CELF4: variants seen among roughly 807,000 people sequenced by gnomAD.
CELF4 encodes the protein CUG-BP- and ETR-3-like factor 4.
CELF4 carries 18 observed loss-of-function variants against 59.9 expected under a neutral mutation model. The ratio of observed to expected loss-of-function variants is 0.30; its 90% CI spans 0.21 to 0.45. The LOEUF is 0.45. CELF4 is among the 20% of genes least tolerant of loss of function. The pLI, the probability that CELF4 is intolerant of heterozygous loss-of-function variation, is 1.00. For missense variants in CELF4, 456 were observed against 689.0 expected (o/e 0.66, Z 3.79); for synonymous variants, 261 against 267.1 (o/e 0.98, Z 0.22).
At chr18:37,307,558 T>C (rs1344239902) in intron 3 of CELF4, among the ~76,000 whole-genome samples, 1 of 152,002 alleles carries the variant, frequency 6.6e-6, no homozygotes, top group African/African-American at 2.4e-5. Flanking sequence ...AGAATGCCAA[T>C]GTCAGTGGCA....
intron 2 of CELF4, among the ~76,000 whole-genome samples, chr18:37,438,102 A>G (rs2154601037): frequency 6.6e-6 from 1 of 152,266 alleles, no homozygotes; most frequent in African/African-American, 2.4e-5. Flanking sequence ...TTGATTTTGG[A>G]CTTCCCAGCC....
At chr18:37,301,283 G>A (rs898263143) in intron 3 of CELF4, among the ~76,000 whole-genome samples, 16 of 152,336 alleles carry the variant, frequency 1.1e-4, no homozygotes, top group African/African-American at 3.4e-4. Context: ...TAGACTGAGA[G>A]GCCACTGCAG....
At chr18:37,530,448 T>C (rs2099968370) in intron 1 of CELF4, among the ~76,000 whole-genome samples, 1 of 152,120 alleles carries the variant, frequency 6.6e-6, no homozygotes, top group South Asian at 2.1e-4. Flanking sequence ...TCTGTGGCCC[T>C]AGGGGAGAAG....
intron 2 of CELF4, among the ~76,000 whole-genome samples, chr18:37,388,098 G>A (rs929166004): frequency 2.6e-5 from 4 of 152,086 alleles, no homozygotes; most frequent in Non-Finnish European, 4.4e-5. Context: ...TGTGATTTGG[G>A]TAAATCCTTT....
chr18:37,421,596 T>A (rs1422633935), intron 2 of CELF4, among the ~76,000 whole-genome samples: 1 of 152,262 alleles, frequency 6.6e-6, no homozygotes, highest in Non-Finnish European at 1.5e-5. Flanking sequence ...ACCTGCTGCC[T>A]GCTGCCATGG....
Position 37,565,505 on chromosome 18 carries a change from A to G in CELF4, c.137T>C (p.Ile46Thr). Residue 46 changes from isoleucine (I) to threonine (T), a missense_variant, in exon 1 of 13, where the codon ATT (isoleucine) becomes ACT (threonine). Ile to Thr is a moderately conservative substitution (Grantham distance 89). Transcript: ENST00000420428. ...GATGGCATCGTGGTCCTTCATGGGA[A>G]TGGTCGACGGGTTCCCCGGGCTGTG... Reference protein sequence around the residue: ...LSHSPGNPSTIPMKDHDAIKL... With the variant: ...LSHSPGNPSTTPMKDHDAIKL... 1 of 1,613,996 alleles carries G rather than the reference A, an allele frequency of 6.2e-7. No individual in the cohort carries two copies. The highest frequency in any genetic ancestry group is 8.5e-7 in the Non-Finnish European group (1 of 1,180,004).
chr18:37,542,932 T>G (rs2099978836), intron 1 of CELF4, among the ~76,000 whole-genome samples: 1 of 152,094 alleles, frequency 6.6e-6, no homozygotes, highest in Admixed American at 6.5e-5. Context: ...CCAGTGCTCT[T>G]TCTACGACAT....
intron 2 of CELF4, among the ~76,000 whole-genome samples, chr18:37,405,899 G>C (rs149069044): frequency 1.3e-5 from 2 of 152,090 alleles, no homozygotes; most frequent in South Asian, 4.2e-4. Flanking sequence ...CCCTCCAGCC[G>C]GGAGTGGAAA....
intron 2 of CELF4, among the ~76,000 whole-genome samples, chr18:37,365,829 G>A (rs2098773696): frequency 6.6e-6 from 1 of 152,104 alleles, no homozygotes; most frequent in South Asian, 2.1e-4. Context: ...CCGGACACCA[G>A]ATCAACTCTT....
intron 2 of CELF4, among the ~76,000 whole-genome samples, chr18:37,423,663 G>A (rs2099594231): frequency 6.6e-6 from 1 of 152,056 alleles, no homozygotes; most frequent in Admixed American, 6.5e-5. Context: ...AAATCCTGGT[G>A]ACAGCCATGG....
intron 2 of CELF4, among the ~76,000 whole-genome samples, chr18:37,461,051 C>T (rs917671012): frequency 6.6e-6 from 1 of 152,214 alleles, no homozygotes; most frequent in Non-Finnish European, 1.5e-5. Context: ...CCATTTCACT[C>T]AACAGCTCTT....
intron 2 of CELF4, among the ~76,000 whole-genome samples, chr18:37,438,033 A>C (rs1394641761): frequency 6.6e-6 from 1 of 152,204 alleles, no homozygotes; most frequent in Non-Finnish European, 1.5e-5. Flanking sequence ...CATAGCAAGA[A>C]GGCGGCTGTC....
At chr18:37,418,947 T>G (rs1458136413) in intron 2 of CELF4, among the ~76,000 whole-genome samples, 1 of 152,248 alleles carries the variant, frequency 6.6e-6, no homozygotes, top group Non-Finnish European at 1.5e-5. Context: ...TGACATTTCA[T>G]GCTGTGCCTG....
At chr18:37,303,884 C>G (rs149969957) in intron 3 of CELF4, among the ~76,000 whole-genome samples, 3,664 of 152,316 alleles carry the variant, frequency 0.024, 62 homozygotes, top group Non-Finnish European at 0.04. Context: ...CCCTCCTGGC[C>G]GTAGGCATCC....
At chr18:37,381,981 C>G (rs1439903579) in intron 2 of CELF4, among the ~76,000 whole-genome samples, 1 of 152,102 alleles carries the variant, frequency 6.6e-6, no homozygotes, top group Non-Finnish European at 1.5e-5. Context: ...GGAGGAGGAG[C>G]CTTGGACTGG....
intron 2 of CELF4, among the ~76,000 whole-genome samples, chr18:37,353,768 T>C (rs1279191052): frequency 4.1e-5 from 1 of 24,154 alleles, no homozygotes; most frequent in East Asian, 1.1e-3. Flanking sequence ...CAGTTCTTTC[T>C]TTTTTTTTTT....
intron 2 of CELF4, among the ~76,000 whole-genome samples, chr18:37,385,946 G>A (rs771871430): frequency 6.6e-6 from 1 of 152,234 alleles, no homozygotes; most frequent in Non-Finnish European, 1.5e-5. Context: ...GTGCTCAAGT[G>A]TGACATTTAT....
intron 1 of CELF4, among the ~76,000 whole-genome samples, chr18:37,512,139 G>T (rs913306520): frequency 6.6e-6 from 1 of 152,204 alleles, no homozygotes; most frequent in Non-Finnish European, 1.5e-5. Flanking sequence ...CAGTTGGGGG[G>T]CAGGGGGCGA....
chr18:37,262,232 C>T (rs189690508), intron 10 of CELF4, among the ~76,000 whole-genome samples: 15 of 152,186 alleles, frequency 9.9e-5, no homozygotes, highest in Non-Finnish European at 1.3e-4. Context: ...CTGTTGGTAT[C>T]GTGCATTACT....
Sources: gnomAD v4.1 joint callset for allele counts (sites outside exome capture counted in the v4.1 genomes callset) on GRCh38, gnomAD v4.1.1 for gene constraint, MANE v1.5 for transcripts, NCBI Gene and HGNC (gene_info 2026-07-23, HGNC 2026-07-21) for gene names.